PKNOX2: variants seen among roughly 807,000 people sequenced by gnomAD.
PKNOX2 encodes the protein homeobox protein PKNOX2.
In PKNOX2, 14 loss-of-function variants were observed where a neutral mutation model predicts 53.1. That is an observed-to-expected ratio of 0.26 (90% CI 0.17 to 0.41). PKNOX2 has a LOEUF of 0.41. Ranked by LOEUF, PKNOX2 falls within the 10% of genes least tolerant of loss-of-function variation. PKNOX2 has a pLI of 1.00. For synonymous variants in PKNOX2, 257 were observed against 242.8 expected (o/e 1.06, Z -0.54); for missense variants, 496 against 602.8 (o/e 0.82, Z 1.85).
At chr11:125,287,654 T>G (rs11220007) in intron 2 of PKNOX2, 28,988 of 152,128 alleles carry the variant, frequency 0.19, 3,036 homozygotes, top group African/African-American at 0.26. Context: ...CTGAGTGGGT[T>G]GGGGAGGAAA....
intron 5 of PKNOX2, among the ~76,000 whole-genome samples, chr11:125,371,031 G>A (rs1952504924): frequency 6.6e-6 from 1 of 152,180 alleles, no homozygotes; most frequent in Non-Finnish European, 1.5e-5. Context: ...CCAGTGCCCG[G>A]GAGGTTTTAT....
At chr11:125,383,383 G>A (rs543194039) in intron 5 of PKNOX2, among the ~76,000 whole-genome samples, 1 of 150,860 alleles carries the variant, frequency 6.6e-6, no homozygotes, top group Non-Finnish European at 1.5e-5. Flanking sequence ...GCCAAGGCAG[G>A]CAGATCACTT....
At position 125,315,328 on chromosome 11, in the gene PKNOX2, A is replaced by AAAAAAAAAAAAAAAAC. The variant is rs1201379428; in HGVS notation, c.-129-16491_-129-16490insAAAAAAAAAAAAAAAC. On this transcript the variant is annotated intron_variant, in intron 2 of 12. Coordinates refer to ENST00000298282, the MANE Select transcript of PKNOX2 (RefSeq NM_001382323.2). Reference sequence around the variant, plus strand: ...GAAAAAAAAAAAAAAAAAAAAAAAAACACCTCTCTCTGCATTAAAATTGAT... The same window carrying AAAAAAAAAAAAAAAAC: ...GAAAAAAAAAAAAAAAAAAAAAAAAAAAAAAAAAAAAAAAACCACCTCTCTCTGCATTAAAATTGAT... Among the ~76,000 whole-genome samples the AAAAAAAAAAAAAAAAC allele has an allele frequency of 1.9e-3, 278 of 144,628 alleles. 3 individuals carry two copies. Among genetic ancestry groups the AAAAAAAAAAAAAAAAC allele is most frequent in the African/African-American group, 7.1e-3 (257 of 36,288 alleles). The allele number at this position is 144,628 out of a possible 152,430, so 94.9% of individuals were successfully genotyped here. A position where few individuals can be genotyped will look rare whatever the true frequency, so the allele number is the denominator to read the frequency against.
rs73626796 is a variant in PKNOX2 at position 125,370,425 on chromosome 11, C to T, written c.227+2440C>T. On this transcript the variant is annotated intron_variant, in intron 5 of 12. Coordinates refer to ENST00000298282, the MANE Select transcript of PKNOX2 (RefSeq NM_001382323.2). The surrounding 1 kb of genome is among the most constrained non-coding windows in gnomAD (Gnocchi z 4.1). The stretch of plus-strand genomic sequence containing the variant: ...ATGTCACTTGAAGAATGGCCTAGAC[C>T]TTTCTGCAATTAACACTTCTTCCTA... Among the ~76,000 whole-genome samples the T allele has an allele frequency of 9.2e-3, 1,407 of 152,310 alleles. 29 individuals are homozygous for T. Among genetic ancestry groups the T allele is most frequent in the African/African-American group, 0.032 (1,330 of 41,552 alleles).
chr11:125,297,476 G>C (rs1947731363), intron 2 of PKNOX2, among the ~76,000 whole-genome samples: 1 of 152,240 alleles, frequency 6.6e-6, no homozygotes, highest in African/African-American at 2.4e-5. Flanking sequence ...GAACTCATTA[G>C]TCTGACAGCA....
In PKNOX2 at chr11:125,397,940, A is replaced by G; in HGVS notation, c.466A>G (p.Lys156Glu). The G allele has an allele frequency of 6.2e-7, 1 of 1,614,152 alleles. No individual in the cohort carries two copies. Among genetic ancestry groups the G allele is most frequent in the Non-Finnish European group, 8.5e-7 (1 of 1,180,020 alleles). The change falls in exon 7 of 13, where the codon AAG becomes GAG. Residue 156 changes from lysine to glutamate, a missense_variant. Physicochemically the swap from Lys to Glu is moderately conservative, Grantham distance 56 (BLOSUM62 1). Coordinates refer to ENST00000298282, the MANE Select transcript of PKNOX2 (RefSeq NM_001382323.2). ...LELEKVNELC[K>E]DFCNRYITCL... ...GCTGGAGAAAGTCAATGAACTCTGC[A>G]AGGACTTTTGTAACCGTTACATCAC...
At chr11:125,406,003 G>GA in intron 7 of PKNOX2, among the ~76,000 whole-genome samples, 1 of 152,260 alleles carries the variant, frequency 6.6e-6, no homozygotes, top group South Asian at 2.1e-4. Flanking sequence ...TCTGGGTGCT[G>GA]AAAAAAGTAA....
intron 5 of PKNOX2, among the ~76,000 whole-genome samples, chr11:125,374,694 A>G (rs934102540): frequency 6.6e-6 from 1 of 152,194 alleles, no homozygotes; most frequent in African/African-American, 2.4e-5. Flanking sequence ...GTAGAGCTCC[A>G]TCATCCAGGG....
intron 7 of PKNOX2, among the ~76,000 whole-genome samples, chr11:125,401,390 GA>G (rs758279550): frequency 3.9e-5 from 6 of 152,192 alleles, no homozygotes; most frequent in Non-Finnish European, 8.8e-5. Flanking sequence ...AAGTCAGGAG[GA>G]TGTGCTATGT....
At chr11:125,185,524 T>C (rs754792326) in intron 1 of PKNOX2, among the ~76,000 whole-genome samples, 14 of 152,270 alleles carry the variant, frequency 9.2e-5, no homozygotes, top group Non-Finnish European at 1.6e-4. Context: ...CTCTGCATTC[T>C]GCCCTGGTAA....
At chr11:125,396,812 C>A (rs1954438684) in intron 6 of PKNOX2, among the ~76,000 whole-genome samples, 1 of 152,184 alleles carries the variant, frequency 6.6e-6, no homozygotes, top group South Asian at 2.1e-4. Context: ...ACATGGTGAG[C>A]AAATTAGACA....
intron 2 of PKNOX2, among the ~76,000 whole-genome samples, chr11:125,290,667 T>C (rs1163730591): frequency 2.0e-5 from 3 of 152,202 alleles, no homozygotes; most frequent in Admixed American, 6.5e-5. Flanking sequence ...CATACATTCA[T>C]TCAACAAACA....
At chr11:125,332,764 G>T (rs530509104) in intron 3 of PKNOX2, 1 of 152,096 alleles carries the variant, frequency 6.6e-6, no homozygotes, top group Non-Finnish European at 1.5e-5. Context: ...AGAAATCATC[G>T]CCAAATTCCT....
intron 2 of PKNOX2, among the ~76,000 whole-genome samples, chr11:125,271,897 C>G (rs1046985069): frequency 5.3e-5 from 8 of 152,174 alleles, no homozygotes; most frequent in African/African-American, 1.9e-4. Flanking sequence ...CTTTGCCCAC[C>G]CCCGTGACAG....
chr11:125,385,739 C>T lies in PKNOX2; in HGVS notation c.399+17C>T, dbSNP rs997051707. ...GACAATCTGGTAAAGACCCTCCACC[C>T]TCTACCCTGGCTAGAGTCTTCCTAC... is the stretch of plus-strand genomic sequence containing the variant. On this transcript the variant is annotated intron_variant, in intron 6 of 12. Transcript: ENST00000298282. 1.2e-6 allele frequency: 2 copies of T among 1,611,060 alleles called. No homozygotes were observed. The highest frequency in any genetic ancestry group is 1.7e-6 in the Non-Finnish European group (2 of 1,178,842).
intron 4 of PKNOX2, among the ~76,000 whole-genome samples, chr11:125,359,958 A>G (rs1951833876): frequency 1.3e-5 from 2 of 152,112 alleles, no homozygotes; most frequent in African/African-American, 4.8e-5. Flanking sequence ...TCCCGACCTC[A>G]GGTGATCTGC....
chr11:125,207,599 A>G (rs1939289510), intron 1 of PKNOX2, among the ~76,000 whole-genome samples: 1 of 152,150 alleles, frequency 6.6e-6, no homozygotes, highest in African/African-American at 2.4e-5. Flanking sequence ...GATGAGGATG[A>G]GAGTCAGCTG....
chr11:125,297,906 C>G (rs555053627), intron 2 of PKNOX2, among the ~76,000 whole-genome samples: 21 of 152,296 alleles, frequency 1.4e-4, no homozygotes, highest in African/African-American at 4.3e-4. Flanking sequence ...ATTTCCATAA[C>G]TCCCTGCAAA....
intron 2 of PKNOX2, among the ~76,000 whole-genome samples, chr11:125,317,913 G>A (rs2136046616): frequency 6.6e-6 from 1 of 152,250 alleles, no homozygotes; most frequent in East Asian, 1.9e-4. Context: ...TTCAACATAA[G>A]GCTATTTTGT....
Sources: allele counts gnomAD v4.1 joint callset (sites outside exome capture counted in the v4.1 genomes callset), GRCh38; gene constraint gnomAD v4.1.1; non-coding constraint Gnocchi (gnomAD v3.1); transcripts MANE v1.5; gene names NCBI Gene and HGNC (gene_info 2026-07-23, HGNC 2026-07-21).